POC1B: variants seen among roughly 807,000 people sequenced by gnomAD.
The protein encoded by POC1B is POC1 centriolar protein homolog B.
POC1B carries 44 observed loss-of-function variants against 60.6 expected under a neutral mutation model. That is an observed-to-expected ratio of 0.73 (90% CI 0.57 to 0.93). The LOEUF (loss-of-function observed/expected upper bound fraction) is 0.93. POC1B is among the 40% of genes least tolerant of loss of function. The pLI is 0.00. For missense variants in POC1B, 555 were observed against 572.3 expected (o/e 0.97, Z 0.31); for synonymous variants, 180 against 198.9 (o/e 0.90, Z 0.80).
At chr12:89,413,516 T>C in the POC1B span, among the ~76,000 whole-genome samples, 1 of 152,232 alleles carries the variant, frequency 6.6e-6, no homozygotes, top group African/African-American at 2.4e-5. Context: ...TCTAAAATAC[T>C]CTTTACTACA....
chr12:89,430,823 T>A (rs1241556234), intron 10 of POC1B, among the ~76,000 whole-genome samples: 1 of 152,154 alleles, frequency 6.6e-6, no homozygotes. Flanking sequence ...AGCTCCACAT[T>A]GGTTGAACTG....
chr12:89,450,035 CTAAGA>C (rs2120762638), intron 10 of POC1B, among the ~76,000 whole-genome samples: 1 of 152,128 alleles, frequency 6.6e-6, no homozygotes, highest in East Asian at 1.9e-4. Flanking sequence ...AGAAGAGTAG[CTAAGA>C]TGTTTGGGGA....
chr12:89,409,281 T>A, the POC1B span, among the ~76,000 whole-genome samples: 1 of 152,258 alleles, frequency 6.6e-6, no homozygotes, highest in South Asian at 2.1e-4. Context: ...CTTTAATCCA[T>A]CTTGAGTTAA....
At chr12:89,523,243 T>C (rs745624494) in intron 2 of POC1B, 6 of 1,613,920 alleles carry the variant, frequency 3.7e-6, no homozygotes, top group East Asian at 4.5e-5. Flanking sequence ...CTCTGGAACA[T>C]GTAAATTAGG....
chr12:89,405,421 T>C, the POC1B span, among the ~76,000 whole-genome samples: 1 of 151,726 alleles, frequency 6.6e-6, no homozygotes, highest in East Asian at 2.0e-4. Flanking sequence ...GGTGGGTGGA[T>C]CACCTGAGGC....
intron 3 of POC1B, among the ~76,000 whole-genome samples, chr12:89,494,791 C>A (rs1869162801): frequency 6.6e-6 from 1 of 152,138 alleles, no homozygotes; most frequent in South Asian, 2.1e-4. Flanking sequence ...CATGGAGAAC[C>A]AAGACGCCAT....
At chr12:89,512,794 A>G (rs1870251043) in intron 2 of POC1B, among the ~76,000 whole-genome samples, 1 of 152,218 alleles carries the variant, frequency 6.6e-6, no homozygotes, top group African/African-American at 2.4e-5. Context: ...AAATATCATT[A>G]TCTCTATTTT....
downstream of POC1B, among the ~76,000 whole-genome samples, chr12:89,417,630 A>G (rs1166777807): frequency 6.6e-6 from 1 of 152,248 alleles, no homozygotes; most frequent in African/African-American, 2.4e-5. Flanking sequence ...TCCAAGAGAA[A>G]TATTTATGTG....
downstream of POC1B, among the ~76,000 whole-genome samples, chr12:89,418,002 C>G (rs1172428448): frequency 6.6e-6 from 1 of 152,182 alleles, no homozygotes; most frequent in Non-Finnish European, 1.5e-5. Flanking sequence ...CCGTTCTCAG[C>G]TGTAAGATCC....
rs1439738650 is a variant in POC1B at position 89,420,674 on chromosome 12, T to G, written c.*479A>C. On this transcript the variant is annotated 3_prime_UTR_variant, in exon 12 of 12. Transcript: ENST00000313546. Reference sequence around the variant, plus strand: ...CATTAGTAAGAAAGGATAATTTCTATTTTGAACAGAAAGACATACAACTAG... The same window carrying G: ...CATTAGTAAGAAAGGATAATTTCTAGTTTGAACAGAAAGACATACAACTAG... 2 of 152,558 alleles carry G rather than the reference T, an allele frequency of 1.3e-5. No individual in the cohort carries two copies. The highest frequency in any genetic ancestry group is 2.4e-5 in the African/African-American group (1 of 41,474). The allele number at this position is 152,558 out of a possible 1,614,324, so 9.5% of individuals were successfully genotyped here.
intron 10 of POC1B, among the ~76,000 whole-genome samples, chr12:89,442,764 C>T (rs182362546): frequency 2.6e-3 from 401 of 152,226 alleles, no homozygotes; most frequent in African/African-American, 9.1e-3. Flanking sequence ...TATTAACCTT[C>T]AATGTAAATG....
At chr12:89,492,913 C>T (rs1319012846) in intron 3 of POC1B, among the ~76,000 whole-genome samples, 1 of 152,044 alleles carries the variant, frequency 6.6e-6, no homozygotes, top group Non-Finnish European at 1.5e-5. Flanking sequence ...AGCCTCTTAA[C>T]TGGTCTCTCT....
chr12:89,427,079 C>T (rs1008444662), intron 10 of POC1B: 3 of 151,940 alleles, frequency 2.0e-5, no homozygotes, highest in African/African-American at 4.8e-5. Context: ...TGCAAGAAAC[C>T]CATAACAGCT....
chr12:89,519,004 A>G (rs986280503), intron 2 of POC1B, among the ~76,000 whole-genome samples: 1 of 152,152 alleles, frequency 6.6e-6, no homozygotes, highest in Non-Finnish European at 1.5e-5. Context: ...CTAAAGAGGA[A>G]GAGACAGGCC....
intron 10 of POC1B, among the ~76,000 whole-genome samples, chr12:89,446,501 G>T (rs1881792931): frequency 6.6e-6 from 1 of 152,086 alleles, no homozygotes; most frequent in Non-Finnish European, 1.5e-5. Flanking sequence ...CTATTGCAAG[G>T]ACAGAAAACC....
chr12:89,441,508 G>A (rs1031659291), intron 10 of POC1B, among the ~76,000 whole-genome samples: 10 of 152,146 alleles, frequency 6.6e-5, no homozygotes, highest in Non-Finnish European at 7.4e-5. Context: ...AAACAGGGTC[G>A]GGAGTGGACC....
At chr12:89,492,776 T>C (rs986876840) in intron 3 of POC1B, among the ~76,000 whole-genome samples, 6 of 152,148 alleles carry the variant, frequency 3.9e-5, no homozygotes, top group Non-Finnish European at 8.8e-5. Flanking sequence ...CTCTCCCACA[T>C]CCAGTAAGTT....
intron 2 of POC1B, among the ~76,000 whole-genome samples, chr12:89,506,163 G>A (rs1302385635): frequency 1.3e-5 from 2 of 152,212 alleles, no homozygotes; most frequent in Non-Finnish European, 2.9e-5. Context: ...GGTTCTGACT[G>A]TACAGTGTGG....
chr12:89,439,431 C>G (rs1408866324), intron 10 of POC1B, among the ~76,000 whole-genome samples: 1 of 152,166 alleles, frequency 6.6e-6, no homozygotes, highest in Middle Eastern at 3.2e-3. Context: ...ATCAGCACTT[C>G]TCAAACTTTA....
Sources: gnomAD v4.1 joint callset for allele counts (sites outside exome capture counted in the v4.1 genomes callset) on GRCh38, gnomAD v4.1.1 for gene constraint, MANE v1.5 for transcripts, NCBI Gene and HGNC (gene_info 2026-07-23, HGNC 2026-07-21) for gene names.